Variants in MUC12 observed in about 807,000 individuals in gnomAD.
The protein encoded by MUC12 is mucin 12, cell surface associated, also known as mucin-12.
Under a neutral mutation model 230.8 loss-of-function variants are expected in MUC12, and 172 were observed. The ratio of observed to expected loss-of-function variants is 0.75; its 90% CI spans 0.66 to 0.85. The LOEUF (loss-of-function observed/expected upper bound fraction) is 0.85, where lower values mean the gene tolerates loss of function less well. Ranked by LOEUF, MUC12 falls within the 40% of genes least tolerant of loss-of-function variation. MUC12 has a pLI of 0.00. For missense variants in MUC12, 3,506 were observed against 5,920.6 expected, an observed-to-expected ratio of 0.59 and a Z score of 13.38; for synonymous variants, 1,259 against 2,401.9, an observed-to-expected ratio of 0.52 and a Z score of 13.91.
chr7:101,017,755 A>G (rs1584850213), intron 11 of MUC12, 92 bp downstream of exon 11: 3 of 761,172 alleles, frequency 3.9e-6, no homozygotes, highest in South Asian at 2.2e-5. Flanking sequence ...TCCCCCTGGG[A>G]CTCCCTTCTC....
In MUC12 at chr7:100,991,236, C is replaced by G; in HGVS notation, c.673C>G (p.His225Asp). The change falls in exon 2 of 12, where the codon CAC becomes GAC. Residue 225 changes from histidine to aspartate, a missense_variant. His to Asp is a moderately conservative substitution (Grantham distance 81). Transcript: ENST00000536621. ...CCTTGGTCCAGAATCTACTACCTTC[C>G]ACAGCAGCCCAGGCTACACTAAAAC... ...SSLGPESTTF[H>D]SSPGYTKTTR... 6.5e-7 allele frequency: 1 copy of G among 1,537,732 alleles called. No homozygotes were observed.
Position 100,993,471 on chromosome 7 carries a change from A to G in MUC12, c.2908A>G (p.Thr970Ala), listed in dbSNP as rs1456988074. The G allele has an allele frequency of 8.8e-6, 9 of 1,022,282 alleles. 2 individuals are homozygous for G. In the Admixed American group the frequency reaches 2.2e-4, roughly 25 times the overall value. 63.3% of individuals were successfully genotyped at this position (1,022,282 alleles called of 1,614,324 possible). Reference protein sequence around the residue: ...VEASTRVHSSTGSPRTTLSPA... With the variant: ...VEASTRVHSSAGSPRTTLSPA... Reference sequence around the variant, plus strand: ...AGCATCTACACGCGTCCACAGCAGCACTGGCTCACCACGCACAACACTGTC... The same window carrying G: ...AGCATCTACACGCGTCCACAGCAGCGCTGGCTCACCACGCACAACACTGTC... The change falls in exon 2 of 12, where the codon ACT becomes GCT. Residue 970 changes from threonine (T) to alanine (A), a missense_variant. Physicochemically the swap from Thr to Ala is moderately conservative, Grantham distance 58. Coordinates refer to ENST00000536621, the MANE Select transcript of MUC12 (RefSeq NM_001164462.2).
chr7:100,984,486 AC>A (rs1330082363), intron 1 of MUC12, among the ~76,000 whole-genome samples: 1 of 151,890 alleles, frequency 6.6e-6, no homozygotes, highest in African/African-American at 2.4e-5. Flanking sequence ...CGAACTCCTG[AC>A]CTCAGGTGAT....
rs1793332527 is a variant in MUC12, at chr7:100,992,183, C to T, written c.1620C>T (p.Thr540=). The T allele has an allele frequency of 6.5e-7, 1 of 1,537,930 alleles. No homozygotes were observed. Among genetic ancestry groups the T allele is most frequent in the Non-Finnish European group, 8.7e-7 (1 of 1,147,066 alleles). Residue 540 remains threonine (T), a synonymous_variant, in exon 2 of 12, where the codon ACC becomes ACT. Transcript: ENST00000536621. ...STHTTAFPGS[T]TMPGLSQEST... is the part of the protein sequence containing the mutation. Reference sequence around the variant, plus strand: ...ACACAACAGCATTCCCTGGCAGTACCACCATGCCAGGCCTCAGTCAGGAAT... The same window carrying T: ...ACACAACAGCATTCCCTGGCAGTACTACCATGCCAGGCCTCAGTCAGGAAT...
chr7:101,005,451 C>G lies in MUC12; in HGVS notation c.14888C>G (p.Thr4963Ser), dbSNP rs1251303595. ...STSGLTEEST[T>S]FHTSPSFTST... ...TCAGGCCTCACTGAGGAATCTACCA[C>G]CTTCCACACCAGTCCAAGCTTCACT... Residue 4963 changes from threonine (T) to serine (S), a missense_variant, in exon 2 of 12, where the codon ACC becomes AGC. By Grantham distance (58) the Thr-to-Ser change is moderately conservative (BLOSUM62 1). Transcript: ENST00000536621. 10 of 1,537,718 alleles carry G rather than the reference C, an allele frequency of 6.5e-6. No homozygotes were observed. In the African/African-American group the frequency reaches 1.2e-4, roughly 19 times the overall value.
In MUC12 at chr7:100,977,600, G is replaced by A. The variant is rs190472654; in HGVS notation, c.67+7911G>A. On this transcript the variant is annotated intron_variant, in intron 1 of 11. Coordinates refer to ENST00000536621, the MANE Select transcript of MUC12 (RefSeq NM_001164462.2). ...AGGCTGGTCTCGAACTCCTGACCTC[G>A]TGATCCACCCACCTTGGCCTCCCGA... 3.5e-3 allele frequency among the ~76,000 whole-genome samples: 527 copies of A among 152,256 alleles called. 5 individuals carry two copies. Among genetic ancestry groups the A allele is most frequent in the African/African-American group, 0.012 (487 of 41,552 alleles).
chr7:101,018,876 C>G lies in MUC12; in HGVS notation c.*240C>G. ...CCCAGAAGCCTCGGCACCCCTGTCT[C>G]CTCCTGGGTGGCTCCCCACTCTGGA... On this transcript the variant is annotated 3_prime_UTR_variant, in exon 12 of 12. Transcript: ENST00000536621. 1 of 458,666 alleles carries G rather than the reference C, an allele frequency of 2.2e-6. No homozygotes were observed. The highest frequency in any genetic ancestry group is 5.0e-5 in the South Asian group (1 of 20,144). The allele number at this position is 458,666 out of a possible 1,614,324, so 28.4% of individuals were successfully genotyped here. A position where few individuals can be genotyped will look rare whatever the true frequency, so the allele number is the denominator to read the frequency against.
At chr7:100,981,473 G>T in intron 1 of MUC12, 1 of 522,932 alleles carries the variant, frequency 1.9e-6, no homozygotes, top group African/African-American at 2.0e-5. Context: ...GAGCAGGCAA[G>T]GGCTGCAGGA....
chr7:100,985,945 T>G (rs1793181424), intron 1 of MUC12, among the ~76,000 whole-genome samples: 1 of 152,164 alleles, frequency 6.6e-6, no homozygotes. Context: ...GGCTCAGAGA[T>G]GCCCCACCTC....
Position 101,018,609 on chromosome 7 carries a change from G to T in MUC12, c.15981G>T (p.Arg5327Ser). Residue 5327 changes from arginine (R) to serine (S), a missense_variant, in exon 12 of 12, where the codon AGG (arginine) becomes AGT (serine). By Grantham distance (110) the Arg-to-Ser change is moderately radical (BLOSUM62 -1). Transcript: ENST00000536621. ...VDSGTELHIQ[R>S]PEMVASTV The stretch of plus-strand genomic sequence containing the variant: ...CCGTCCCCCAGCTCCACATCCAGAG[G>T]CCGGAGATGGTAGCATCCACTGTGT... 6.5e-7 allele frequency: 1 copy of T among 1,535,854 alleles called. No individual in the cohort carries two copies. Among genetic ancestry groups the T allele is most frequent in the Non-Finnish European group, 8.7e-7 (1 of 1,146,196 alleles).
rs1347233358 is a variant in MUC12 at position 100,995,514 on chromosome 7, A to T, written c.4951A>T (p.Thr1651Ser). 6.5e-7 allele frequency: 1 copy of T among 1,535,380 alleles called. No homozygotes were observed. Among genetic ancestry groups the T allele is most frequent in the African/African-American group, 1.4e-5 (1 of 71,404 alleles). The stretch of plus-strand genomic sequence containing the variant: ...TGAAACAACACTCTTACCTGACAAC[A>T]CCACAGCCTCAGGCCTCCTTGAAGC... ...STETTLLPDN[T>S]TASGLLEAST... Residue 1651 changes from threonine to serine, a missense_variant, in exon 2 of 12, where the codon ACC becomes TCC. Thr to Ser is a moderately conservative substitution (Grantham distance 58, BLOSUM62 1). Transcript: ENST00000536621.
Position 100,977,696 on chromosome 7 carries a change from G to A in MUC12, c.67+8007G>A, listed in dbSNP as rs183448210. Among the ~76,000 whole-genome samples the A allele has an allele frequency of 2.2e-4, 33 of 150,146 alleles. No homozygotes were observed. In the East Asian group the frequency reaches 4.7e-3, roughly 22 times the overall value. On this transcript the variant is annotated intron_variant, in intron 1 of 11. Transcript: ENST00000536621. ...TCCTTTTTAAAAAAATGTTTATCTC[G>A]TTATTTAGAGGCTGGATTATGAGAC...
chr7:100,975,370 G>A (rs540951617), intron 1 of MUC12, among the ~76,000 whole-genome samples: 2 of 152,312 alleles, frequency 1.3e-5, no homozygotes, highest in Non-Finnish European at 2.9e-5. Flanking sequence ...GGGTGGAAAT[G>A]GTTAACACCT....
chr7:100,991,978 C>T lies in MUC12; in HGVS notation c.1415C>T (p.Ser472Leu). 1 of 1,537,966 alleles carries T rather than the reference C, an allele frequency of 6.5e-7. No individual in the cohort carries two copies. Among genetic ancestry groups the T allele is most frequent in the East Asian group, 2.4e-5 (1 of 40,924 alleles). ...GACTCGACGCCCTCACCCATCAGTT[C>T]AGGCTCAATGGAAACCACAGCGTTA... ...VGDSTPSPIS[S>L]GSMETTALPG... The change falls in exon 2 of 12, where the codon TCA becomes TTA. Residue 472 changes from serine (S) to leucine (L), a missense_variant. Physicochemically the swap from Ser to Leu is moderately radical, Grantham distance 145. Transcript: ENST00000536621.
rs188542214 is a variant in MUC12 at position 101,011,459 on chromosome 7, C to T, written c.15252-837C>T. Among the ~76,000 whole-genome samples, 60 of 152,212 alleles carry T rather than the reference C, an allele frequency of 3.9e-4. 1 individual carries two copies. Among genetic ancestry groups the T allele is most frequent in the African/African-American group, 1.2e-3 (51 of 41,528 alleles). On this transcript the variant is annotated intron_variant, in intron 5 of 11. Coordinates refer to ENST00000536621, the MANE Select transcript of MUC12 (RefSeq NM_001164462.2). ...TTAAATTTTAAAAAATGGGGTCTTG[C>T]TCTGTTGCCTGAAGTGCAGTGGTGC...
At chr7:101,010,635 T>G (rs1052425590) in intron 5 of MUC12, among the ~76,000 whole-genome samples, 1 of 151,958 alleles carries the variant, frequency 6.6e-6, no homozygotes, top group Non-Finnish European at 1.5e-5. Context: ...CTGCCTTAGC[T>G]TCCCGAGTAG....
intron 1 of MUC12, among the ~76,000 whole-genome samples, chr7:100,976,423 G>A (rs532981175): frequency 6.8e-6 from 1 of 147,448 alleles, no homozygotes; most frequent in East Asian, 2.1e-4. Context: ...GGCTGACACA[G>A]TGAAATCCCG....
chr7:101,012,572 C>A, intron 6 of MUC12, 125 bp downstream of exon 6: 1 of 1,205,260 alleles, frequency 8.3e-7, no homozygotes, highest in Non-Finnish European at 1.1e-6. Context: ...ACCCAGAAGC[C>A]AGGCCCAGGG....
At position 101,004,816 on chromosome 7, in the gene MUC12, ACT is replaced by A; in HGVS notation, c.14257_14258del (p.Ser4753ThrfsTer18). The A allele has an allele frequency of 6.5e-7, 1 of 1,537,224 alleles. No individual in the cohort carries two copies. Among genetic ancestry groups the A allele is most frequent in the Non-Finnish European group, 8.7e-7 (1 of 1,146,892 alleles). Reference sequence around the variant, plus strand: ...GTAGCTCCAGATCACCAGACCAAACACTCTCACCTGCCAGCATGACAAGCTCC... The same window carrying A: ...GTAGCTCCAGATCACCAGACCAAACACTCACCTGCCAGCATGACAAGCTCC... ...YSSSRSPDQT[L>X]SPASMTSSSI... On this transcript the variant is annotated frameshift_variant, in exon 2 of 12. Transcript: ENST00000536621. LOFTEE classifies it high-confidence loss of function.
Sources: allele counts gnomAD v4.1 joint callset (sites outside exome capture counted in the v4.1 genomes callset), GRCh38; gene constraint gnomAD v4.1.1; transcripts MANE v1.5; gene names NCBI Gene and HGNC (gene_info 2026-07-23, HGNC 2026-07-21).